Variants in PPP1R26 observed in about 807,000 individuals in gnomAD.
PPP1R26 encodes the protein 1A6/DRIM (down-regulated in metastasis) interacting protein.
Under a neutral mutation model 67.6 loss-of-function variants are expected in PPP1R26, and 22 were observed. The observed-to-expected ratio is 0.33, with a 90% confidence interval of 0.23 to 0.46. The LOEUF (loss-of-function observed/expected upper bound fraction) is 0.46. Among genes scored for constraint, PPP1R26 ranks in the 20% least tolerant of loss-of-function variants. The pLI is 1.00. For missense variants in PPP1R26, 1,602 were observed against 1,651.4 expected (o/e 0.97, Z 0.52); for synonymous variants, 729 against 717.2 (o/e 1.02, Z -0.26).
At chr9:135,481,885 C>T (rs1001429291) in intron 1 of PPP1R26, among the ~76,000 whole-genome samples, 10 of 152,228 alleles carry the variant, frequency 6.6e-5, no homozygotes, top group African/African-American at 2.4e-4. Context: ...TCCCAAAGTG[C>T]TGGGATTACA....
rs1442337880 is a variant in PPP1R26 at position 135,487,962 on chromosome 9, C to T, written c.3452C>T (p.Ala1151Val). The T allele has an allele frequency of 2.0e-5, 32 of 1,602,658 alleles. No individual in the cohort carries two copies. Among genetic ancestry groups the T allele is most frequent in the Non-Finnish European group, 2.5e-5 (29 of 1,175,826 alleles). Residue 1151 changes from alanine (A) to valine (V), a missense_variant, in exon 4 of 4, where the codon GCA becomes GTA. Transcript: ENST00000356818. ...CCCTGGCCAACCAGGAAGGCACAGG[C>T]AGGGCTGAGTTTGCATGACAGGAGG... ...GGPWPTRKAQ[A>V]GLSLHDRRSS... is the part of the protein sequence containing the mutation.
rs1830563372 is a variant in PPP1R26 at position 135,482,760 on chromosome 9, T to C, written c.-251T>C. ...TGATGAGGACCTGATCTCTGGGCCG[T>C]GTGGGAACACTGGCTGCCATTTCAT... On this transcript the variant is annotated 5_prime_UTR_variant, in exon 2 of 4. Transcript: ENST00000356818. 1 of 398,496 alleles carries C rather than the reference T, an allele frequency of 2.5e-6. No homozygotes were observed. Among genetic ancestry groups the C allele is most frequent in the African/African-American group, 2.1e-5 (1 of 48,624 alleles). 24.7% of individuals were successfully genotyped at this position (398,496 alleles called of 1,614,324 possible).
In PPP1R26 at chr9:135,487,566, C is replaced by G; in HGVS notation, c.3056C>G (p.Ala1019Gly). ...CCGGGAGCGGAGAGGGACGCTGGAG[C>G]CCAGGCCGACCGCACACCGCCCTGG... The part of the protein sequence containing the change: ...PSPGAERDAG[A>G]QADRTPPWSD... The change falls in exon 4 of 4, where the codon GCC becomes GGC. Residue 1019 changes from alanine (A) to glycine (G), a missense_variant. By Grantham distance (60) the Ala-to-Gly change is moderately conservative. Around this residue, in one of 5 missense-constraint regions of PPP1R26, gnomAD observed 740 missense variants for 696.3 expected, o/e 1.06. Transcript: ENST00000356818. 1 of 1,546,604 alleles carries G rather than the reference C, an allele frequency of 6.5e-7. No individual in the cohort carries two copies. The highest frequency in any genetic ancestry group is 8.7e-7 in the Non-Finnish European group (1 of 1,147,784).
At chr9:135,481,378 C>T (rs1830515942) in intron 1 of PPP1R26, among the ~76,000 whole-genome samples, 1 of 151,420 alleles carries the variant, frequency 6.6e-6, no homozygotes, top group Non-Finnish European at 1.5e-5. Context: ...GTAGCTGGAA[C>T]TACAGACGTG....
intron 1 of PPP1R26, among the ~76,000 whole-genome samples, chr9:135,481,741 C>CCCCAGTAAAGTAAAT (rs1310421756): frequency 6.6e-6 from 1 of 152,038 alleles, no homozygotes; most frequent in East Asian, 1.9e-4. Context: ...GTCTCAGCCT[C>CCCCAGTAAAGTAAAT]CCCAGTAGCT....
chr9:135,486,155 G>A lies in PPP1R26; in HGVS notation c.1645G>A (p.Gly549Arg), dbSNP rs1429962306. ...ATTTTTGGCCCTAAAGGCGCAGTCA[G>A]GGAGTTTGCTGGCCAGAGGTGAGAG... ...RTFLALKAQS[G>R]SLLARGESCP... Residue 549 changes from glycine to arginine, a missense_variant, in exon 4 of 4, where the codon GGG becomes AGG. Around this residue, in one of 5 missense-constraint regions of PPP1R26, gnomAD observed 680 missense variants for 726.1 expected, o/e 0.94. Coordinates refer to ENST00000356818, the MANE Select transcript of PPP1R26 (RefSeq NM_014811.5). This position sits in a 1 kb window ranked among gnomAD's most constrained non-coding sequence, Gnocchi z 6.2. 4 of 1,612,926 alleles carry A rather than the reference G, an allele frequency of 2.5e-6. No homozygotes were observed. Among genetic ancestry groups the A allele is most frequent in the Admixed American group, 1.7e-5 (1 of 60,006 alleles).
At chr9:135,482,987 C>CTTTTTTT (rs57608324) in intron 2 of PPP1R26, among the ~76,000 whole-genome samples, 172 bp downstream of exon 2, 64 of 112,038 alleles carry the variant, frequency 5.7e-4, no homozygotes, top group South Asian at 6.9e-4. Context: ...TTCTTTCTTT[C>CTTTTTTT]TTTTTTTTTT....
chr9:135,487,451 C>G lies in PPP1R26; in HGVS notation c.2941C>G (p.Pro981Ala). The change falls in exon 4 of 4, where the codon CCC (proline) becomes GCC (alanine). Residue 981 changes from proline (P) to alanine (A), a missense_variant. Physicochemically the swap from Pro to Ala is conservative, Grantham distance 27. This residue lies in a region of PPP1R26 where 740 missense variants were observed against 696.3 expected (regional missense o/e 1.06). Coordinates refer to ENST00000356818, the MANE Select transcript of PPP1R26 (RefSeq NM_014811.5). ...TGCCAAAAGTGCTTTTGGTCAGCTGCCCAGCTGTGCCACAGCGGGCACCGA... is the reference window on the plus strand; with the variant it reads ...TGCCAAAAGTGCTTTTGGTCAGCTGGCCAGCTGTGCCACAGCGGGCACCGA... ...PAAKSAFGQL[P>A]SCATAGTEAG... 1 of 1,610,392 alleles carries G rather than the reference C, an allele frequency of 6.2e-7. No individual in the cohort carries two copies. The highest frequency in any genetic ancestry group is 8.5e-7 in the Non-Finnish European group (1 of 1,179,628).
At chr9:135,481,679 C>T (rs13288741) in intron 1 of PPP1R26, among the ~76,000 whole-genome samples, 1 of 151,436 alleles carries the variant, frequency 6.6e-6, no homozygotes, top group East Asian at 2.0e-4. Flanking sequence ...AGTGCAGTGG[C>T]GCGATCTCGG....
chr9:135,487,141 G>A lies in PPP1R26; in HGVS notation c.2631G>A (p.Leu877=), dbSNP rs778610255. The A allele has an allele frequency of 1.1e-5, 17 of 1,609,668 alleles. No individual in the cohort carries two copies. The South Asian group carries it at 1.6e-4, about 16-fold the overall frequency. ...GGGGCCCAGCCAGGCCAGAGGTGCT[G>A]TGCAGGAAGGAGCCTGCCCCACCGC... ...GTGGPARPEV[L]CRKEPAPPPG... Residue 877 remains leucine, a synonymous_variant, in exon 4 of 4, where the codon CTG becomes CTA. Coordinates refer to ENST00000356818, the MANE Select transcript of PPP1R26 (RefSeq NM_014811.5).
rs1588347187 is a variant in PPP1R26, at chr9:135,484,685, G to A, written c.175G>A (p.Ala59Thr). ...MLISTLQRDG[A>T]ARGTSDERAA... is the part of the protein sequence containing the mutation. Reference sequence around the variant, plus strand: ...TATCAGCACTCTGCAGCGCGACGGGGCTGCTCGGGGCACCAGCGATGAGCG... The same window carrying A: ...TATCAGCACTCTGCAGCGCGACGGGACTGCTCGGGGCACCAGCGATGAGCG... Residue 59 changes from alanine to threonine, a missense_variant, in exon 4 of 4, where the codon GCT becomes ACT. By Grantham distance (58) the Ala-to-Thr change is moderately conservative. This residue lies in a region of PPP1R26 where 168 missense variants were observed against 176.1 expected (regional missense o/e 0.95). Transcript: ENST00000356818. 1 of 1,610,196 alleles carries A rather than the reference G, an allele frequency of 6.2e-7. No individual in the cohort carries two copies. The highest frequency in any genetic ancestry group is 8.5e-7 in the Non-Finnish European group (1 of 1,179,564).
rs1223502083 is a variant in PPP1R26 at position 135,487,021 on chromosome 9, C to A, written c.2511C>A (p.Ile837=). The change falls in exon 4 of 4, where the codon ATC becomes ATA. Residue 837 remains isoleucine, a synonymous_variant. Coordinates refer to ENST00000356818, the MANE Select transcript of PPP1R26 (RefSeq NM_014811.5). ...DSSSVDSNDS[I]ELEIRKFLAE... is the part of the protein sequence containing the mutation. ...GTTCAGTGGACAGCAACGACAGCAT[C>A]GAACTGGAGATTAGGAAGTTTTTGG... 6.2e-7 allele frequency: 1 copy of A among 1,611,680 alleles called. No individual in the cohort carries two copies. Among genetic ancestry groups the A allele is most frequent in the Non-Finnish European group, 8.5e-7 (1 of 1,179,702 alleles).
In PPP1R26 at chr9:135,487,696, G is replaced by T; in HGVS notation, c.3186G>T (p.Gly1062=). Residue 1062 remains glycine, a synonymous_variant, in exon 4 of 4, where the codon GGG becomes GGT. Coordinates refer to ENST00000356818, the MANE Select transcript of PPP1R26 (RefSeq NM_014811.5). The stretch of plus-strand genomic sequence containing the variant: ...GCGTCGGGAGCGAGAGAGACAAGGG[G>T]TCCGAGGGCCCCGCCCGGGGCCTGC... ...RGGVGSERDK[G]SEGPARGLPS... 1 of 1,451,756 alleles carries T rather than the reference G, an allele frequency of 6.9e-7. No homozygotes were observed. Among genetic ancestry groups the T allele is most frequent in the Non-Finnish European group, 9.1e-7 (1 of 1,102,398 alleles). The allele number at this position is 1,451,756 out of a possible 1,614,324, so 89.9% of individuals were successfully genotyped here. A position where few individuals can be genotyped will look rare whatever the true frequency, so the allele number is the denominator to read the frequency against.
At position 135,487,578 on chromosome 9, in the gene PPP1R26, G is replaced by C. The variant is rs375080704; in HGVS notation, c.3068G>C (p.Arg1023Pro). 3 of 1,533,194 alleles carry C rather than the reference G, an allele frequency of 2.0e-6. No homozygotes were observed. In the African/African-American group the frequency reaches 4.1e-5, roughly 21 times the overall value. 95.0% of individuals were successfully genotyped at this position (1,533,194 alleles called of 1,614,324 possible). A position where few individuals can be genotyped will look rare whatever the true frequency, so the allele number is the denominator to read the frequency against. ...AERDAGAQADRTPPWSDFAHQ... is the reference protein window; with the variant it reads ...AERDAGAQADPTPPWSDFAHQ... ...AGGGACGCTGGAGCCCAGGCCGACCGCACACCGCCCTGGAGCGACTTCGCC... is the reference window on the plus strand; with the variant it reads ...AGGGACGCTGGAGCCCAGGCCGACCCCACACCGCCCTGGAGCGACTTCGCC... The change falls in exon 4 of 4, where the codon CGC becomes CCC. Residue 1023 changes from arginine (R) to proline (P), a missense_variant. Physicochemically the swap from Arg to Pro is moderately radical, Grantham distance 103. Transcript: ENST00000356818.
rs1808998 is a variant in PPP1R26 at position 135,485,811 on chromosome 9, T to C, written c.1301T>C (p.Met434Thr). The change falls in exon 4 of 4, where the codon ATG (methionine) becomes ACG (threonine). Residue 434 changes from methionine to threonine, a missense_variant. By Grantham distance (81) the Met-to-Thr change is moderately conservative (BLOSUM62 -1). Coordinates refer to ENST00000356818, the MANE Select transcript of PPP1R26 (RefSeq NM_014811.5). The surrounding 1 kb of genome is among the most constrained non-coding windows in gnomAD (Gnocchi z 7.2). ...AAGAAGCTAGTGGCCACCAAGACCA[T>C]GGACCCTGGTCCAGGGGGCCTGGAC... ...SKKKLVATKT[M>T]DPGPGGLDTD... is the part of the protein sequence containing the mutation. 423,017 of 1,612,298 alleles carry C rather than the reference T, an allele frequency of 0.26. 67,659 individuals are homozygous for C. The highest frequency in any genetic ancestry group is 0.7 in the East Asian group (31,223 of 44,812).
rs765612466 is a variant in PPP1R26 at position 135,487,861 on chromosome 9, G to A, written c.3351G>A (p.Ser1117=). The change falls in exon 4 of 4, where the codon TCG becomes TCA. Residue 1117 remains serine, a synonymous_variant. Transcript: ENST00000356818. ...TGCCTCTGCAGGGCCCCTCCTTCTC[G>A]GCCTTCAGGGAGGCCCAGGCCGGAC... is the stretch of plus-strand genomic sequence containing the variant. ...LGLPLQGPSF[S]AFREAQAGPS... The A allele has an allele frequency of 1.1e-5, 18 of 1,588,744 alleles. No homozygotes were observed. The highest frequency in any genetic ancestry group is 9.0e-5 in the East Asian group (4 of 44,590).
intron 1 of PPP1R26, among the ~76,000 whole-genome samples, chr9:135,482,061 T>A (rs1366898066): frequency 6.6e-6 from 1 of 152,176 alleles, no homozygotes; most frequent in African/African-American, 2.4e-5. Context: ...AAAACTCCCC[T>A]CCCCGACCTT....
rs752608607 is a variant in PPP1R26, at chr9:135,484,519, C to G, written c.9C>G (p.Leu3=). ...CCTCCCCGTCTGCTAGAATGTTTCT[C>G]ATGAACGCTTCTCCAGTGGTTGCTC... The part of the protein sequence containing the change: MF[L]MNASPVVALQ... Residue 3 remains leucine, a synonymous_variant, in exon 4 of 4, where the codon CTC becomes CTG. Transcript: ENST00000356818. 1.9e-6 allele frequency: 3 copies of G among 1,595,466 alleles called. No homozygotes were observed. The highest frequency in any genetic ancestry group is 2.7e-5 in the African/African-American group (2 of 73,574).
At position 135,488,274 on chromosome 9, in the gene PPP1R26, A is replaced by G; in HGVS notation, c.*134A>G. On this transcript the variant is annotated 3_prime_UTR_variant, in exon 4 of 4. Transcript: ENST00000356818. ...TATACATAGCCCTGTATATATGTAC[A>G]CCAACATGAAACTTTTATTTAACAG... 4 of 1,240,448 alleles carry G rather than the reference A, an allele frequency of 3.2e-6. No individual in the cohort carries two copies. The highest frequency in any genetic ancestry group is 3.1e-5 in the East Asian group (1 of 32,644). 76.8% of individuals were successfully genotyped at this position (1,240,448 alleles called of 1,614,324 possible). A position where few individuals can be genotyped will look rare whatever the true frequency, so the allele number is the denominator to read the frequency against.
Sources: gnomAD v4.1 joint callset for allele counts (sites outside exome capture counted in the v4.1 genomes callset) on GRCh38, gnomAD v4.1.1 for gene constraint, gnomAD v4.1.1 regional missense constraint, Gnocchi (gnomAD v3.1) non-coding constraint, MANE v1.5 for transcripts, NCBI Gene and HGNC (gene_info 2026-07-23, HGNC 2026-07-21) for gene names.